The following ATRNL1 variants were observed in gnomAD, a reference collection of about 807,000 sequenced individuals.
ATRNL1 encodes the protein attractin like 1, also known as attractin-like protein 1.
ATRNL1 carries 95 observed loss-of-function variants against 182.7 expected under a neutral mutation model. The observed-to-expected ratio is 0.52, with a 90% CI of 0.44 to 0.62. ATRNL1 has a LOEUF of 0.62. Among genes scored for constraint, ATRNL1 ranks in the 20% least tolerant of loss-of-function variants. The pLI, the probability that ATRNL1 is intolerant of heterozygous loss-of-function variation, is 0.00. For missense variants in ATRNL1, 1,471 were observed against 1,679.5 expected (o/e 0.88, Z 2.17); for synonymous variants, 576 against 568.3 (o/e 1.01, Z -0.19).
intron 21 of ATRNL1, among the ~76,000 whole-genome samples, chr10:115,429,436 A>C (rs966655299): frequency 5.9e-5 from 9 of 152,106 alleles, no homozygotes; most frequent in Non-Finnish European, 1.2e-4. Context: ...CACAGTGATG[A>C]TAATAGATAT....
Position 115,847,834 on chromosome 10 carries a change from G to A in ATRNL1, c.3904-43G>A, listed in dbSNP as rs185196918. 1,386 of 1,013,788 alleles carry A rather than the reference G, an allele frequency of 1.4e-3. 2 individuals carry two copies. Among genetic ancestry groups the A allele is most frequent in the Middle Eastern group, 6.5e-3 (32 of 4,910 alleles). The allele number at this position is 1,013,788 out of a possible 1,614,324, so 62.8% of individuals were successfully genotyped here. The stretch of plus-strand genomic sequence containing the variant: ...ATAAGGTGAAAATTAAAATAGCAAT[G>A]CTATGTCAATTTTGCAAACTTAAAG... On this transcript the variant is annotated intron_variant, in intron 27 of 28. Transcript: ENST00000355044.
intron 25 of ATRNL1, among the ~76,000 whole-genome samples, chr10:115,530,667 G>A (rs538073010): frequency 9.9e-5 from 15 of 151,988 alleles, no homozygotes; most frequent in African/African-American, 2.9e-4. Context: ...TAGGGTACAC[G>A]TGCACAATGT....
chr10:115,217,183 C>T (rs374730426), intron 9 of ATRNL1, among the ~76,000 whole-genome samples: 4 of 152,074 alleles, frequency 2.6e-5, no homozygotes, highest in Non-Finnish European at 5.9e-5. Context: ...CCACCTCCCA[C>T]GTTCAAGCGA....
intron 19 of ATRNL1, among the ~76,000 whole-genome samples, chr10:115,385,241 A>T (rs1858268491): frequency 6.6e-6 from 1 of 152,034 alleles, no homozygotes; most frequent in Non-Finnish European, 1.5e-5. Context: ...CATTTTAGCC[A>T]TTATAGTATG....
chr10:115,627,166 C>A (rs1268773590), intron 26 of ATRNL1, among the ~76,000 whole-genome samples: 2 of 152,034 alleles, frequency 1.3e-5, no homozygotes, highest in Non-Finnish European at 2.9e-5. Context: ...AAAATAAAAC[C>A]CTTTACCCAC....
chr10:115,504,978 G>C (rs1554980942), intron 24 of ATRNL1, among the ~76,000 whole-genome samples: 1 of 151,940 alleles, frequency 6.6e-6, no homozygotes, highest in Admixed American at 6.6e-5. Context: ...TTATAACCCA[G>C]AGCAGTTTTC....
At chr10:115,693,585 A>G (rs138952796) in intron 26 of ATRNL1, among the ~76,000 whole-genome samples, 204 of 152,266 alleles carry the variant, frequency 1.3e-3, no homozygotes, top group African/African-American at 4.8e-3. Context: ...CAAGTTCATC[A>G]TAGTATGAAC....
At chr10:115,798,113 T>A (rs1949701186) in intron 27 of ATRNL1, among the ~76,000 whole-genome samples, 1 of 152,026 alleles carries the variant, frequency 6.6e-6, no homozygotes, top group African/African-American at 2.4e-5. Flanking sequence ...GAGACGGGGT[T>A]TCACCGTGTT....
intron 22 of ATRNL1, among the ~76,000 whole-genome samples, chr10:115,465,211 T>C (rs1847996117): frequency 6.6e-6 from 1 of 151,760 alleles, no homozygotes; most frequent in South Asian, 2.1e-4. Context: ...AATGATTTAC[T>C]GTATATGAAA....
chr10:115,256,751 C>T (rs1171714546), intron 10 of ATRNL1, among the ~76,000 whole-genome samples: 1 of 152,124 alleles, frequency 6.6e-6, no homozygotes, highest in African/African-American at 2.4e-5. Context: ...TTAGATCTTT[C>T]CTGCCTTCTC....
chr10:115,362,140 T>C (rs1263136715), intron 19 of ATRNL1, among the ~76,000 whole-genome samples: 4 of 152,000 alleles, frequency 2.6e-5, no homozygotes, highest in African/African-American at 9.7e-5. Flanking sequence ...TATATGGCAA[T>C]GGTTGTAAAT....
chr10:115,693,068 C>T (rs1164399135), intron 26 of ATRNL1, among the ~76,000 whole-genome samples: 1 of 151,870 alleles, frequency 6.6e-6, no homozygotes, highest in African/African-American at 2.4e-5. Flanking sequence ...GAAAATTCTT[C>T]CCTCAATTAA....
intron 4 of ATRNL1, 42 bp from the exon 5 acceptor site, chr10:115,129,285 C>A: frequency 6.6e-7 from 1 of 1,522,336 alleles, no homozygotes; most frequent in Non-Finnish European, 9.0e-7. Flanking sequence ...AATTCTTTTT[C>A]AATTACCTTG....
At chr10:115,604,710 A>T (rs1260631943) in intron 26 of ATRNL1, among the ~76,000 whole-genome samples, 1 of 151,938 alleles carries the variant, frequency 6.6e-6, no homozygotes, top group African/African-American at 2.4e-5. Flanking sequence ...CCAATTTTTG[A>T]CTCACTTTAT....
intron 26 of ATRNL1, among the ~76,000 whole-genome samples, chr10:115,697,471 A>ATTG (rs1946600513): frequency 6.6e-6 from 1 of 152,024 alleles, no homozygotes; most frequent in Non-Finnish European, 1.5e-5. Context: ...CAATACAGAT[A>ATTG]CATACCACCA....
intron 28 of ATRNL1, among the ~76,000 whole-genome samples, chr10:115,860,105 A>T (rs1239511611): frequency 6.6e-6 from 1 of 152,164 alleles, no homozygotes; most frequent in African/African-American, 2.4e-5. Flanking sequence ...CTTCCTTAGG[A>T]GCTGGGACTG....
At position 115,262,801 on chromosome 10, in the gene ATRNL1, C is replaced by T. The variant is rs1554909137; in HGVS notation, c.1688-2392C>T. On this transcript the variant is annotated intron_variant, in intron 10 of 28. Coordinates refer to ENST00000355044, the MANE Select transcript of ATRNL1 (RefSeq NM_207303.4). The stretch of plus-strand genomic sequence containing the variant: ...TGAAAATAAGTTGACTCACCAGTAA[C>T]TGGAAAAATGTAAAATCAAACCATT... 2.0e-5 allele frequency among the ~76,000 whole-genome samples: 3 copies of T among 151,914 alleles called. No individual in the cohort carries two copies. In the South Asian group the frequency reaches 6.2e-4, roughly 31 times the overall value.
chr10:115,620,935 T>TA (rs1436145171), intron 26 of ATRNL1, among the ~76,000 whole-genome samples: 3 of 152,272 alleles, frequency 2.0e-5, no homozygotes, highest in Admixed American at 6.5e-5. Flanking sequence ...AATTTTTTTC[T>TA]AAAAAATGCA....
At chr10:115,508,325 A>G (rs1056182766) in intron 24 of ATRNL1, among the ~76,000 whole-genome samples, 2 of 151,980 alleles carry the variant, frequency 1.3e-5, no homozygotes, top group African/African-American at 4.8e-5. Flanking sequence ...AGACACAGCA[A>G]TATTGAAATC....
Sources: gnomAD v4.1 joint callset for allele counts (sites outside exome capture counted in the v4.1 genomes callset) on GRCh38, gnomAD v4.1.1 for gene constraint, MANE v1.5 for transcripts, NCBI Gene and HGNC (gene_info 2026-07-23, HGNC 2026-07-21) for gene names.